Variants in GLIS3 observed in about 807,000 individuals in gnomAD.
The protein encoded by GLIS3 is GLIS family zinc finger 3.
A neutral mutation model predicts 78.6 loss-of-function variants in GLIS3; 53 were observed. The observed-to-expected ratio is 0.67, with a 90% CI of 0.54 to 0.85. GLIS3 has a LOEUF of 0.85. Among genes scored for constraint, GLIS3 ranks in the 40% least tolerant of loss-of-function variants. The probability of loss-of-function intolerance (pLI) is 0.00; values close to 1 mark genes in which losing one functional copy is unlikely to be tolerated. For missense variants in GLIS3, 1,703 were observed against 1,231.1 expected, an observed-to-expected ratio of 1.38 and a Z score of -5.74; for synonymous variants, 684 against 509.9, an observed-to-expected ratio of 1.34 and a Z score of -4.60.
chr9:4,277,812 C>G (rs1827165692), intron 2 of GLIS3, among the ~76,000 whole-genome samples: 1 of 152,166 alleles, frequency 6.6e-6, no homozygotes, highest in Admixed American at 6.5e-5. Flanking sequence ...GCTGATTTCC[C>G]AGACGCTGTG....
chr9:4,417,447 T>C, the GLIS3 span, among the ~76,000 whole-genome samples: 3 of 152,258 alleles, frequency 2.0e-5, no homozygotes, highest in Admixed American at 6.5e-5. Flanking sequence ...TTCTACTTAA[T>C]GTATCTTGGC....
intron 4 of GLIS3, among the ~76,000 whole-genome samples, chr9:4,013,489 AAAG>A (rs1822200816): frequency 1.3e-5 from 2 of 152,214 alleles, no homozygotes. Context: ...TGTAGCATTT[AAAG>A]AAGTTAATAT....
the GLIS3 span, among the ~76,000 whole-genome samples, chr9:4,400,175 T>A: frequency 5.9e-5 from 9 of 152,188 alleles, no homozygotes; most frequent in African/African-American, 2.2e-4. Context: ...CTATCGCTTC[T>A]CGGCCTTTTG....
At chr9:4,061,424 T>C (rs56036944) in intron 4 of GLIS3, among the ~76,000 whole-genome samples, 1 of 152,278 alleles carries the variant, frequency 6.6e-6, no homozygotes, top group East Asian at 1.9e-4. Flanking sequence ...TAGTATTCCA[T>C]GGTGTATATG....
chr9:4,151,901 T>C (rs531797750), intron 2 of GLIS3, among the ~76,000 whole-genome samples: 3 of 152,322 alleles, frequency 2.0e-5, no homozygotes, highest in East Asian at 1.9e-4. Context: ...TCAGTCCTCC[T>C]TGGGCTCAAC....
chr9:4,011,515 T>C (rs990479992), intron 4 of GLIS3, among the ~76,000 whole-genome samples: 6 of 152,194 alleles, frequency 3.9e-5, no homozygotes, highest in South Asian at 2.1e-4. Context: ...GGTACCCTCA[T>C]TGATTCACAG....
chr9:3,896,415 A>C (rs534870730), intron 7 of GLIS3, among the ~76,000 whole-genome samples: 64 of 152,254 alleles, frequency 4.2e-4, no homozygotes, highest in African/African-American at 1.5e-3. Flanking sequence ...CTGTAATCCC[A>C]GCACTTTTGG....
chr9:3,875,157 G>A (rs1821231803), intron 8 of GLIS3, among the ~76,000 whole-genome samples: 1 of 152,142 alleles, frequency 6.6e-6, no homozygotes, highest in Admixed American at 6.5e-5. Flanking sequence ...TCCTCTCATG[G>A]GAAGCCACTG....
chr9:4,005,198 T>A (rs752588627), intron 4 of GLIS3, among the ~76,000 whole-genome samples: 17 of 152,224 alleles, frequency 1.1e-4, no homozygotes, highest in Non-Finnish European at 2.4e-4. Context: ...GTTTTCTGTT[T>A]TGGAAGGTGG....
intron 4 of GLIS3, chr9:4,054,518 A>G (rs1588553227): frequency 2.0e-6 from 2 of 985,140 alleles, no homozygotes; most frequent in East Asian, 2.3e-4. Context: ...GGCAGTCTAC[A>G]GAGAAGGAGG....
intron 2 of GLIS3, among the ~76,000 whole-genome samples, chr9:4,148,650 T>C (rs1376631837): frequency 6.6e-6 from 1 of 152,070 alleles, no homozygotes; most frequent in Admixed American, 6.6e-5. Context: ...GGCCTCAGCT[T>C]CCTAATGCCT....
At chr9:3,833,967 A>G (rs889457020) in intron 9 of GLIS3, among the ~76,000 whole-genome samples, 2 of 152,174 alleles carry the variant, frequency 1.3e-5, no homozygotes, top group Non-Finnish European at 2.9e-5. Flanking sequence ...CTAATTATAA[A>G]CTAGAAAATG....
chr9:4,070,147 C>T (rs1163159974), intron 4 of GLIS3, among the ~76,000 whole-genome samples: 1 of 152,122 alleles, frequency 6.6e-6, no homozygotes, highest in Non-Finnish European at 1.5e-5. Flanking sequence ...ACTACCTCTG[C>T]TTAAGTTGAG....
At chr9:4,135,581 A>G (rs1055572561) in intron 2 of GLIS3, among the ~76,000 whole-genome samples, 2 of 152,202 alleles carry the variant, frequency 1.3e-5, no homozygotes, top group African/African-American at 4.8e-5. Flanking sequence ...TTACTCAAAT[A>G]ACATATCTAA....
At position 3,829,367 on chromosome 9, in the gene GLIS3, C is replaced by T; in HGVS notation, c.2599G>A (p.Gly867Ser). 6.2e-7 allele frequency: 1 copy of T among 1,613,998 alleles called. No homozygotes were observed. The highest frequency in any genetic ancestry group is 8.5e-7 in the Non-Finnish European group (1 of 1,179,988). Residue 867 changes from glycine (G) to serine (S), a missense_variant, in exon 10 of 11, where the codon GGC becomes AGC. By Grantham distance (56) the Gly-to-Ser change is moderately conservative. Coordinates refer to ENST00000381971, the MANE Select transcript of GLIS3 (RefSeq NM_001042413.2). Reference protein sequence around the residue: ...FEDCLVPTSMGQASFDVFHRA... With the variant: ...FEDCLVPTSMSQASFDVFHRA... ...TGGAAAACATCAAAACTGGCCTGGC[C>T]CATGGATGTAGGGACTAGGCAGTCC...
intron 4 of GLIS3, among the ~76,000 whole-genome samples, chr9:4,081,761 C>T (rs1828570331): frequency 6.6e-6 from 1 of 152,310 alleles, no homozygotes; most frequent in African/African-American, 2.4e-5. Context: ...GTGAGCTGCA[C>T]TGCAGTACAA....
the GLIS3 span, among the ~76,000 whole-genome samples, chr9:4,424,026 T>G: frequency 6.6e-6 from 1 of 152,202 alleles, no homozygotes; most frequent in Non-Finnish European, 1.5e-5. Flanking sequence ...GAAAAAGAAT[T>G]GGTAAATGTT....
the GLIS3 span, among the ~76,000 whole-genome samples, chr9:4,482,228 G>T: frequency 6.6e-6 from 1 of 152,182 alleles, no homozygotes; most frequent in Non-Finnish European, 1.5e-5. Flanking sequence ...GTCAGAGTGA[G>T]CAATAAAGCC....
chr9:4,453,298 CA>C, the GLIS3 span, among the ~76,000 whole-genome samples: 1 of 76,596 alleles, frequency 1.3e-5, no homozygotes, highest in East Asian at 4.9e-4. Context: ...CAACAAAAGT[CA>C]AAATTGACAA....
Sources: gnomAD v4.1 joint callset for allele counts (sites outside exome capture counted in the v4.1 genomes callset) on GRCh38, gnomAD v4.1.1 for gene constraint, MANE v1.5 for transcripts, NCBI Gene and HGNC (gene_info 2026-07-23, HGNC 2026-07-21) for gene names.